Variants in ADAM18 observed in about 807,000 individuals in gnomAD.
ADAM18 encodes the protein ADAM metallopeptidase domain 18.
ADAM18 carries 117 observed loss-of-function variants against 94.4 expected under a neutral mutation model. That is an observed-to-expected ratio of 1.24 (90% CI 1.07 to 1.45). The LOEUF (loss-of-function observed/expected upper bound fraction) is 1.45, where lower values mean the gene tolerates loss of function less well. Ranked by LOEUF, ADAM18 falls within the 40% of genes most tolerant of loss-of-function variation. ADAM18 has a pLI of 0.00. For synonymous variants in ADAM18, 327 were observed against 291.6 expected (o/e 1.12, Z -1.24); for missense variants, 936 against 880.0 (o/e 1.06, Z -0.81).
intron 13 of ADAM18, among the ~76,000 whole-genome samples, chr8:39,664,923 A>AT (rs775461468): frequency 0.23 from 35,596 of 151,712 alleles, 4,311 homozygotes; most frequent in South Asian, 0.31. Context: ...TATTCTATGT[A>AT]TTTTTTTTGT....
chr8:39,590,148 T>A (rs1818528777), intron 2 of ADAM18, among the ~76,000 whole-genome samples: 1 of 151,782 alleles, frequency 6.6e-6, no homozygotes, highest in East Asian at 1.9e-4. Context: ...ATGTTTATTG[T>A]GGCATTATTC....
chr8:39,706,414 A>G (rs944794483), intron 17 of ADAM18, among the ~76,000 whole-genome samples: 16 of 152,164 alleles, frequency 1.1e-4, no homozygotes, highest in African/African-American at 3.6e-4. Context: ...AAGTGCATGA[A>G]TAGAAAATGT....
intron 6 of ADAM18, among the ~76,000 whole-genome samples, chr8:39,624,867 A>G (rs1347634105): frequency 1.3e-5 from 2 of 152,124 alleles, no homozygotes; most frequent in Admixed American, 1.3e-4. Context: ...TTCCACCATG[A>G]TTGAAAGTTT....
Position 39,706,251 on chromosome 8 carries a change from G to T in ADAM18, c.1903-539G>T, listed in dbSNP as rs538239589. Among the ~76,000 whole-genome samples, 6 of 151,910 alleles carry T rather than the reference G, an allele frequency of 3.9e-5. No individual in the cohort carries two copies. In the South Asian group the frequency reaches 1.2e-3, roughly 31 times the overall value. ...TTGATTTATAATATTTGCTTTGCAC[G>T]TATGTTATTTTATTATGGAAAATAT... On this transcript the variant is annotated intron_variant, in intron 17 of 19. Transcript: ENST00000265707.
intron 16 of ADAM18, among the ~76,000 whole-genome samples, chr8:39,683,638 C>T (rs982955908): frequency 6.6e-6 from 1 of 152,114 alleles, no homozygotes; most frequent in African/African-American, 2.4e-5. Flanking sequence ...GTGATATTTG[C>T]ATTCTTTAAT....
Position 39,663,799 on chromosome 8 carries a change from G to A in ADAM18, c.1235G>A (p.Cys412Tyr), listed in dbSNP as rs567777052. 6.2e-7 allele frequency: 1 copy of A among 1,607,698 alleles called. No individual in the cohort carries two copies. Among genetic ancestry groups the A allele is most frequent in the African/African-American group, 1.3e-5 (1 of 74,762 alleles). ...EECDCGNKNE[C>Y]QFKKCCDYNT... ...TTTCTTCCTGTAAAATTTTAGGAAT[G>A]TCAATTTAAGAAGTGCTGTGATTAT... The change falls in exon 13 of 20, where the codon TGT (cysteine) becomes TAT (tyrosine). Residue 412 changes from cysteine to tyrosine, a missense_variant. Transcript: ENST00000265707.
chr8:39,644,586 C>A (rs1820325777), intron 10 of ADAM18, among the ~76,000 whole-genome samples: 1 of 152,158 alleles, frequency 6.6e-6, no homozygotes, highest in Admixed American at 6.5e-5. Flanking sequence ...CTGCACCTGG[C>A]CCAAATTTCT....
rs554128437 is a variant in ADAM18, at chr8:39,665,882, G to T, written c.1326+1992G>T. ...CTTTTATCTTTTAGAGTAAATAAAA[G>T]AAGAAAAAAAATTAAATGAATTAAC... is the stretch of plus-strand genomic sequence containing the variant. On this transcript the variant is annotated intron_variant, in intron 13 of 19. Coordinates refer to ENST00000265707, the MANE Select transcript of ADAM18 (RefSeq NM_014237.3). 5.4e-4 allele frequency among the ~76,000 whole-genome samples: 82 copies of T among 151,970 alleles called. 2 individuals carry two copies. The South Asian group carries it at 0.016, about 30-fold the overall frequency.
intron 11 of ADAM18, among the ~76,000 whole-genome samples, chr8:39,645,693 G>A (rs555637575): frequency 6.6e-5 from 10 of 152,064 alleles, no homozygotes; most frequent in South Asian, 2.1e-4. Flanking sequence ...CACTGACATC[G>A]CATTCATATT....
intron 12 of ADAM18, among the ~76,000 whole-genome samples, chr8:39,651,913 G>C (rs1386887139): frequency 1.3e-5 from 2 of 149,742 alleles, no homozygotes. Context: ...ATAGATCAAT[G>C]AAACAAAGAG....
chr8:39,651,300 A>T (rs1820528076), intron 12 of ADAM18, among the ~76,000 whole-genome samples: 2 of 152,068 alleles, frequency 1.3e-5, no homozygotes, highest in African/African-American at 2.4e-5. Flanking sequence ...TCAACTGCAA[A>T]AAGGCCTTCC....
intron 7 of ADAM18, among the ~76,000 whole-genome samples, chr8:39,634,272 G>C (rs940251263): frequency 6.6e-6 from 1 of 152,140 alleles, no homozygotes. Context: ...GAGTGCAAGA[G>C]CTGTGGTGGC....
At chr8:39,667,941 A>G in intron 13 of ADAM18, 57 bp from the exon 14 acceptor site, 2 of 1,495,742 alleles carry the variant, frequency 1.3e-6, no homozygotes, top group South Asian at 1.1e-5. Flanking sequence ...TCTTTTCACT[A>G]AGCAATTGAG....
At chr8:39,691,935 T>C (rs1366926741) in intron 16 of ADAM18, among the ~76,000 whole-genome samples, 2 of 151,940 alleles carry the variant, frequency 1.3e-5, no homozygotes, top group East Asian at 1.9e-4. Context: ...TAATTTTTAT[T>C]CATGTTTAGT....
chr8:39,616,015 AT>A (rs1819428590), intron 6 of ADAM18, among the ~76,000 whole-genome samples: 1 of 152,236 alleles, frequency 6.6e-6, no homozygotes, highest in South Asian at 2.1e-4. Flanking sequence ...AAAGATCTCT[AT>A]AATGAGAATC....
intron 18 of ADAM18, among the ~76,000 whole-genome samples, chr8:39,714,976 T>G (rs917291703): frequency 6.6e-6 from 1 of 152,104 alleles, no homozygotes; most frequent in African/African-American, 2.4e-5. Flanking sequence ...ATCAGTCAAC[T>G]TGATCTAGTT....
chr8:39,722,841 C>T lies in ADAM18; in HGVS notation c.2018-907C>T, dbSNP rs543523750. Among the ~76,000 whole-genome samples the T allele has an allele frequency of 2.6e-4, 40 of 151,524 alleles. 1 individual carries two copies. The South Asian group carries it at 5.4e-3, about 20-fold the overall frequency. On this transcript the variant is annotated intron_variant, in intron 18 of 19. Coordinates refer to ENST00000265707, the MANE Select transcript of ADAM18 (RefSeq NM_014237.3). ...AAACTAAGTTGGGGAGTTATGTTTC[C>T]TAGATTTGTTGCTGGTTACATGGTC... is the stretch of plus-strand genomic sequence containing the variant.
chr8:39,653,690 A>G (rs1820603153), intron 12 of ADAM18, among the ~76,000 whole-genome samples: 1 of 152,216 alleles, frequency 6.6e-6, no homozygotes, highest in South Asian at 2.1e-4. Context: ...GGATATTTCA[A>G]GAATAGTTTT....
chr8:39,692,561 C>T (rs1244256301), intron 16 of ADAM18, 39 bp from the exon 17 acceptor site: 1 of 1,312,844 alleles, frequency 7.6e-7, no homozygotes, highest in African/African-American at 1.5e-5. Flanking sequence ...TTTTATATGA[C>T]ATTTGTGAAT....
Sources: gnomAD v4.1 joint callset for allele counts (sites outside exome capture counted in the v4.1 genomes callset) on GRCh38, gnomAD v4.1.1 for gene constraint, MANE v1.5 for transcripts, NCBI Gene and HGNC (gene_info 2026-07-23, HGNC 2026-07-21) for gene names.